Variants in QKI observed in about 807,000 individuals in gnomAD.
QKI encodes QKI, KH domain containing RNA binding.
QKI carries 10 observed loss-of-function variants against 39.0 expected under a neutral mutation model. That is an observed-to-expected ratio of 0.26 (90% CI 0.16 to 0.43). QKI has a LOEUF of 0.43. QKI is among the 20% of genes least tolerant of loss of function. QKI has a pLI of 1.00. For synonymous variants in QKI, 204 were observed against 155.4 expected (o/e 1.31, Z -2.33); for missense variants, 218 against 428.0 (o/e 0.51, Z 4.33).
chr6:163,575,440 T>C lies in QKI; in HGVS notation c.*4730T>C, dbSNP rs1264702461. The C allele has an allele frequency of 6.6e-6, 1 of 152,194 alleles. No homozygotes were observed. Among genetic ancestry groups the C allele is most frequent in the Non-Finnish European group, 1.5e-5 (1 of 68,022 alleles). The allele number at this position is 152,194 out of a possible 1,614,324, so 9.4% of individuals were successfully genotyped here. Reference sequence around the variant, plus strand: ...ACATGAAACTACCAAATTCCAAGAATAGTAAAATTCTAGAGTCAGTTGATT... The same window carrying C: ...ACATGAAACTACCAAATTCCAAGAACAGTAAAATTCTAGAGTCAGTTGATT... On this transcript the variant is annotated 3_prime_UTR_variant, in exon 8 of 8. Transcript: ENST00000361752.
chr6:163,566,884 TG>T (rs1783395498), intron 7 of QKI, 89 bp downstream of exon 7: 1 of 1,540,190 alleles, frequency 6.5e-7, no homozygotes, highest in African/African-American at 1.4e-5. Flanking sequence ...AAAATGTAAT[TG>T]CTTACCTGCA....
Position 163,541,776 on chromosome 6 carries a change from G to T in QKI, c.546+6651G>T, listed in dbSNP as rs957627346. Among the ~76,000 whole-genome samples the T allele has an allele frequency of 6.6e-5, 10 of 151,476 alleles. 1 individual carries two copies. Among genetic ancestry groups the T allele is most frequent in the African/African-American group, 2.4e-4 (10 of 41,254 alleles). On this transcript the variant is annotated intron_variant, in intron 4 of 7. Transcript: ENST00000361752. ...AACTTTTTCCTTCTTTTAATTTTGA[G>T]GTCTTTATTTTTTTCTCCCCAAATA...
chr6:163,536,546 C>T (rs1254203647), intron 4 of QKI, among the ~76,000 whole-genome samples: 1 of 152,180 alleles, frequency 6.6e-6, no homozygotes, highest in Non-Finnish European at 1.5e-5. Context: ...CAACCGAGCC[C>T]TCCCTTGTTG....
chr6:163,500,989 C>T (rs1778721797), intron 3 of QKI, among the ~76,000 whole-genome samples: 1 of 152,028 alleles, frequency 6.6e-6, no homozygotes, highest in African/African-American at 2.4e-5. Flanking sequence ...TGATAGAAAC[C>T]CACAAAATAA....
intron 3 of QKI, among the ~76,000 whole-genome samples, chr6:163,523,794 A>G (rs923372673): frequency 3.9e-5 from 6 of 152,204 alleles, no homozygotes; most frequent in Non-Finnish European, 7.3e-5. Flanking sequence ...TTGTGTACCA[A>G]ACTTTTCTTT....
intron 1 of QKI, among the ~76,000 whole-genome samples, chr6:163,419,229 A>G (rs533513236): frequency 1.8e-4 from 27 of 151,726 alleles, no homozygotes; most frequent in African/African-American, 4.8e-4. Context: ...AATAGTTGCT[A>G]TTTTTTCATG....
intron 1 of QKI, among the ~76,000 whole-genome samples, chr6:163,419,983 A>C (rs568609736): frequency 1.3e-5 from 2 of 152,292 alleles, no homozygotes; most frequent in Non-Finnish European, 2.9e-5. Flanking sequence ...TCAGTTTCCC[A>C]TAAGAGCAAA....
At chr6:163,526,842 T>C (rs9295223) in intron 3 of QKI, among the ~76,000 whole-genome samples, 113,158 of 151,992 alleles carry the variant, frequency 0.74, 42,341 homozygotes, top group East Asian at 1. Flanking sequence ...TTGGCTAGTA[T>C]TGGGGTTATA....
intron 1 of QKI, among the ~76,000 whole-genome samples, chr6:163,450,246 T>TG (rs1562445747): frequency 6.6e-6 from 1 of 152,024 alleles, no homozygotes; most frequent in Non-Finnish European, 1.5e-5. Flanking sequence ...TTAGTAGAGA[T>TG]GGGGTTTTGC....
At chr6:163,491,364 C>T (rs897913237) in intron 3 of QKI, among the ~76,000 whole-genome samples, 4 of 152,148 alleles carry the variant, frequency 2.6e-5, no homozygotes, top group East Asian at 1.9e-4. Flanking sequence ...CACTTCCGGC[C>T]GCACTGGTTT....
intron 3 of QKI, among the ~76,000 whole-genome samples, chr6:163,511,987 A>G (rs1583134288): frequency 6.7e-6 from 1 of 149,586 alleles, no homozygotes; most frequent in East Asian, 2.0e-4. Context: ...ATAAAAAAAG[A>G]AGATACTGCA....
At chr6:163,506,804 C>T (rs1403173735) in intron 3 of QKI, among the ~76,000 whole-genome samples, 1 of 152,130 alleles carries the variant, frequency 6.6e-6, no homozygotes, top group Non-Finnish European at 1.5e-5. Flanking sequence ...TTAATATCTC[C>T]TATTGAATTT....
At chr6:163,562,151 A>G in intron 5 of QKI, 82 bp downstream of exon 5, 2 of 919,938 alleles carry the variant, frequency 2.2e-6, no homozygotes, top group South Asian at 1.8e-5. Flanking sequence ...GCAACACAAT[A>G]ATAGTTCATA....
At chr6:163,560,864 A>G (rs573311836) in intron 4 of QKI, among the ~76,000 whole-genome samples, 2 of 152,364 alleles carry the variant, frequency 1.3e-5, no homozygotes, top group East Asian at 1.9e-4. Context: ...TTTGGGTGCT[A>G]TGCCAAAAAC....
intron 4 of QKI, among the ~76,000 whole-genome samples, chr6:163,554,180 G>A (rs1200546119): frequency 6.6e-6 from 1 of 152,150 alleles, no homozygotes; most frequent in African/African-American, 2.4e-5. Flanking sequence ...GGGGCTGCAC[G>A]ATGAGACTGG....
At chr6:163,422,384 A>G (rs1002564300) in intron 1 of QKI, among the ~76,000 whole-genome samples, 2 of 152,210 alleles carry the variant, frequency 1.3e-5, no homozygotes, top group Non-Finnish European at 2.9e-5. Flanking sequence ...TATTATAAGC[A>G]GAATGTGTCA....
Position 163,577,802 on chromosome 6 carries a change from C to T in QKI, c.*7092C>T, listed in dbSNP as rs1777663140. The T allele has an allele frequency of 6.6e-6, 1 of 152,130 alleles. No individual in the cohort carries two copies. The highest frequency in any genetic ancestry group is 1.5e-5 in the Non-Finnish European group (1 of 68,032). 9.4% of individuals were successfully genotyped at this position (152,130 alleles called of 1,614,324 possible). On this transcript the variant is annotated 3_prime_UTR_variant, in exon 8 of 8. Transcript: ENST00000361752. ...TGAAAAATCAGATGAATATTTTAGTCACTGTTACTCATGCACATTGTGTTC... is the reference window on the plus strand; with the variant it reads ...TGAAAAATCAGATGAATATTTTAGTTACTGTTACTCATGCACATTGTGTTC...
rs77609480 is a variant in QKI, at chr6:163,426,230, T to A, written c.142+10895T>A. Among the ~76,000 whole-genome samples, 474 of 152,004 alleles carry A rather than the reference T, an allele frequency of 3.1e-3. 24 individuals are homozygous for A. The East Asian group carries it at 0.077, about 25-fold the overall frequency. ...AATCTGGTTGTTACGCCTTTTTAAA[T>A]CTAGAACCATCTCTTTTTTTTTTTT... is the stretch of plus-strand genomic sequence containing the variant. On this transcript the variant is annotated intron_variant, in intron 1 of 7. Transcript: ENST00000361752.
At chr6:163,416,749 C>A (rs1028105554) in intron 1 of QKI, among the ~76,000 whole-genome samples, 5 of 152,154 alleles carry the variant, frequency 3.3e-5, no homozygotes, top group African/African-American at 9.7e-5. Context: ...GTTAAACATA[C>A]AGCACTCACC....
Sources: allele counts gnomAD v4.1 joint callset (sites outside exome capture counted in the v4.1 genomes callset), GRCh38; gene constraint gnomAD v4.1.1; transcripts MANE v1.5; gene names NCBI Gene and HGNC (gene_info 2026-07-23, HGNC 2026-07-21).